ETV6: variants seen among roughly 807,000 people sequenced by gnomAD.
ETV6 encodes the protein ETS variant transcription factor 6.
In ETV6, 16 loss-of-function variants were observed where a neutral mutation model predicts 51.1. That is an observed-to-expected ratio of 0.31 (90% CI 0.21 to 0.48). The LOEUF (loss-of-function observed/expected upper bound fraction) is 0.48, where lower values mean the gene tolerates loss of function less well. Ranked by LOEUF, ETV6 falls within the 20% of genes least tolerant of loss-of-function variation. The pLI is 0.99. For missense variants in ETV6, 458 were observed against 594.8 expected, an observed-to-expected ratio of 0.77 and a Z score of 2.39; for synonymous variants, 240 against 224.1, an observed-to-expected ratio of 1.07 and a Z score of -0.64.
intron 3 of ETV6, among the ~76,000 whole-genome samples, chr12:11,841,699 C>A (rs10845412): frequency 0.16 from 24,131 of 152,122 alleles, 2,171 homozygotes; most frequent in South Asian, 0.34. Context: ...TTCTAGCTGG[C>A]TTGTCGAACA....
At chr12:11,785,395 C>G (rs185749880) in intron 2 of ETV6, among the ~76,000 whole-genome samples, 12 of 152,284 alleles carry the variant, frequency 7.9e-5, no homozygotes, top group Admixed American at 5.9e-4. Context: ...TCCTCTATAA[C>G]ATTTATCACC....
chr12:11,788,550 T>C (rs868537176), intron 2 of ETV6, among the ~76,000 whole-genome samples: 7 of 152,344 alleles, frequency 4.6e-5, no homozygotes, highest in Non-Finnish European at 8.8e-5. Context: ...TTGGTTCTTA[T>C]AATTACTGAT....
intron 2 of ETV6, among the ~76,000 whole-genome samples, chr12:11,780,423 A>T (rs1945396525): frequency 6.6e-6 from 1 of 152,198 alleles, no homozygotes; most frequent in South Asian, 2.1e-4. Flanking sequence ...CTTCCTTGCA[A>T]ATAACAACAA....
At chr12:11,800,558 A>AC (rs78605556) in intron 2 of ETV6, among the ~76,000 whole-genome samples, 15,803 of 151,770 alleles carry the variant, frequency 0.1, 887 homozygotes, top group African/African-American at 0.13. Context: ...ACACCTCCCC[A>AC]CCCGCATCCC....
intron 2 of ETV6, among the ~76,000 whole-genome samples, chr12:11,799,915 C>G (rs1565530872): frequency 6.6e-6 from 1 of 152,128 alleles, no homozygotes; most frequent in African/African-American, 2.4e-5. Context: ...ACAGGCATAC[C>G]ACCATGCCCT....
rs541094669 is a variant in ETV6 at position 11,651,142 on chromosome 12, C to G, written c.33+982C>G. On this transcript the variant is annotated intron_variant, in intron 1 of 7. Transcript: ENST00000396373. ...CGCTGCATTTATTGTACACTTTATT[C>G]ATTTCGCTGTTCCACCAGTACCCAG... Among the ~76,000 whole-genome samples, 100 of 152,326 alleles carry G rather than the reference C, an allele frequency of 6.6e-4. 1 individual carries two copies. The highest frequency in any genetic ancestry group is 2.4e-3 in the African/African-American group (98 of 41,552).
intron 5 of ETV6, among the ~76,000 whole-genome samples, chr12:11,883,222 A>G (rs1947127717): frequency 2.0e-5 from 3 of 147,694 alleles, no homozygotes; most frequent in Admixed American, 2.0e-4. Context: ...ACACCTTCAC[A>G]GCACACATCC....
intron 2 of ETV6, among the ~76,000 whole-genome samples, chr12:11,783,416 G>T (rs192987786): frequency 2.0e-3 from 297 of 152,288 alleles, no homozygotes; most frequent in Non-Finnish European, 3.5e-3. Flanking sequence ...GGAGAGGCAG[G>T]TGGAAACCTG....
At chr12:11,778,549 T>G (rs545191062) in intron 2 of ETV6, among the ~76,000 whole-genome samples, 5 of 152,222 alleles carry the variant, frequency 3.3e-5, no homozygotes, top group Non-Finnish European at 7.3e-5. Context: ...GCTGAGGCAC[T>G]GAGTGAAAAC....
At chr12:11,742,801 CTTTCTTTTT>C (rs1865833797) in intron 1 of ETV6, among the ~76,000 whole-genome samples, 1 of 63,046 alleles carries the variant, frequency 1.6e-5, no homozygotes, top group Non-Finnish European at 4.5e-5. Context: ...TCTTTTCTTT[CTTTCTTTTT>C]TTTTTTTTTT....
chr12:11,838,460 T>C (rs952012281), intron 2 of ETV6, among the ~76,000 whole-genome samples: 2 of 152,168 alleles, frequency 1.3e-5, no homozygotes, highest in African/African-American at 4.8e-5. Flanking sequence ...AGAGTTCAAG[T>C]ACCACCCCAC....
chr12:11,876,962 A>C (rs1170533411), intron 5 of ETV6, among the ~76,000 whole-genome samples: 1 of 152,190 alleles, frequency 6.6e-6, no homozygotes, highest in Admixed American at 6.5e-5. Flanking sequence ...TACTTTTACT[A>C]TCTCTCAAGG....
rs202244621 is a variant in ETV6, at chr12:11,839,220, A to T, written c.244A>T (p.Ile82Phe). The change falls in exon 3 of 8, where the codon ATT becomes TTT. Residue 82 changes from isoleucine (I) to phenylalanine (F), a missense_variant. Physicochemically the swap from Ile to Phe is conservative, Grantham distance 21. Transcript: ENST00000396373. ...WAENEFSLRP[I>F]DSNTFEMNGK... ...TGAAAATGAGTTTTCTTTAAGGCCAATTGACAGCAACACGTTTGAAATGAA... is the reference window on the plus strand; with the variant it reads ...TGAAAATGAGTTTTCTTTAAGGCCATTTGACAGCAACACGTTTGAAATGAA... The T allele has an allele frequency of 1.9e-6, 3 of 1,614,264 alleles. No homozygotes were observed. Among genetic ancestry groups the T allele is most frequent in the Admixed American group, 1.7e-5 (1 of 60,036 alleles).
intron 4 of ETV6, 55 bp downstream of exon 4, chr12:11,853,616 T>G: frequency 6.3e-7 from 1 of 1,591,176 alleles, no homozygotes; most frequent in East Asian, 2.2e-5. Context: ...TCCAGGAAGT[T>G]TAATTGTTAA....
chr12:11,881,286 G>A (rs7137687), intron 5 of ETV6, among the ~76,000 whole-genome samples: 4,392 of 152,278 alleles, frequency 0.029, 229 homozygotes, highest in African/African-American at 0.1. Flanking sequence ...GATTTTGTCA[G>A]ATGTTTTCCA....
At chr12:11,773,219 C>T (rs1945268870) in intron 2 of ETV6, among the ~76,000 whole-genome samples, 1 of 148,280 alleles carries the variant, frequency 6.7e-6, no homozygotes, top group African/African-American at 2.5e-5. Flanking sequence ...AAAATGAAAT[C>T]TTGATCTTAT....
At chr12:11,791,181 T>G (rs1183694925) in intron 2 of ETV6, among the ~76,000 whole-genome samples, 2 of 152,214 alleles carry the variant, frequency 1.3e-5, no homozygotes, top group African/African-American at 4.8e-5. Context: ...CCGGTTCTTC[T>G]GCTTTCAAGT....
chr12:11,794,557 G>A (rs951562647), intron 2 of ETV6, among the ~76,000 whole-genome samples: 7 of 152,210 alleles, frequency 4.6e-5, no homozygotes, highest in African/African-American at 1.7e-4. Context: ...TACTCAGTGA[G>A]CAGAGAGGTC....
intron 4 of ETV6, among the ~76,000 whole-genome samples, chr12:11,862,213 A>G (rs1385840212): frequency 6.6e-6 from 1 of 152,180 alleles, no homozygotes; most frequent in Non-Finnish European, 1.5e-5. Context: ...CCTCAAACAT[A>G]TGTGAATCAT....
Sources: allele counts gnomAD v4.1 joint callset (sites outside exome capture counted in the v4.1 genomes callset), GRCh38; gene constraint gnomAD v4.1.1; transcripts MANE v1.5; gene names NCBI Gene and HGNC (gene_info 2026-07-23, HGNC 2026-07-21).